Variants in PNPLA8 observed in about 807,000 individuals in gnomAD.
PNPLA8 encodes patatin like domain 8, phospholipase A2.
Under a neutral mutation model 76.9 loss-of-function variants are expected in PNPLA8, and 39 were observed. That is an observed-to-expected ratio of 0.51 (90% CI 0.39 to 0.66). The LOEUF is 0.66. Among genes scored for constraint, PNPLA8 ranks in the 30% least tolerant of loss-of-function variants. The pLI is 0.00. For missense variants in PNPLA8, 887 were observed against 918.0 expected (o/e 0.97, Z 0.44); for synonymous variants, 301 against 307.9 (o/e 0.98, Z 0.24).
intron 10 of PNPLA8, among the ~76,000 whole-genome samples, chr7:108,476,899 A>G (rs1007341775): frequency 6.6e-6 from 1 of 152,202 alleles, no homozygotes; most frequent in African/African-American, 2.4e-5. Context: ...GAAAATGAGT[A>G]GTGCACAGTA....
In PNPLA8 at chr7:108,526,065, G is replaced by A; in HGVS notation, c.-166C>T. 10 of 985,664 alleles carry A rather than the reference G, an allele frequency of 1.0e-5. No homozygotes were observed. The highest frequency in any genetic ancestry group is 1.2e-5 in the Non-Finnish European group (10 of 830,046). 61.1% of individuals were successfully genotyped at this position (985,664 alleles called of 1,614,324 possible). A position where few individuals can be genotyped will look rare whatever the true frequency, so the allele number is the denominator to read the frequency against. On this transcript the variant is annotated 5_prime_UTR_variant, in exon 1 of 11. Transcript: ENST00000257694. ...CCGCAGTCACTAGGGCTGCAGCGGC[G>A]ACTCGCTCGTTCCCGGCAATGACGT...
intron 8 of PNPLA8, 57 bp from the exon 9 acceptor site, chr7:108,488,010 T>TA (rs1031162252): frequency 3.0e-6 from 3 of 1,014,620 alleles, no homozygotes; most frequent in Non-Finnish European, 4.5e-6. Flanking sequence ...TTGGGATCTG[T>TA]AAAAATTAAA....
intron 5 of PNPLA8, among the ~76,000 whole-genome samples, chr7:108,500,891 A>G (rs1861890348): frequency 6.6e-6 from 1 of 151,888 alleles, no homozygotes; most frequent in Non-Finnish European, 1.5e-5. Flanking sequence ...TCCAGCCCGG[A>G]CAACCAGAGC....
At chr7:108,495,026 C>G (rs1861455371) in intron 7 of PNPLA8, among the ~76,000 whole-genome samples, 1 of 152,102 alleles carries the variant, frequency 6.6e-6, no homozygotes, top group South Asian at 2.1e-4. Flanking sequence ...TTCAAAATCT[C>G]TCAAACTGAT....
At chr7:108,493,742 A>G (rs968812270) in intron 7 of PNPLA8, among the ~76,000 whole-genome samples, 4 of 152,096 alleles carry the variant, frequency 2.6e-5, no homozygotes, top group Non-Finnish European at 5.9e-5. Context: ...GTTCCACAAA[A>G]TAAGTGATAC....
intron 4 of PNPLA8, among the ~76,000 whole-genome samples, chr7:108,505,036 T>C (rs1003685117): frequency 1.1e-4 from 16 of 151,624 alleles, no homozygotes; most frequent in South Asian, 2.1e-4. Context: ...AGATTGCACA[T>C]TGCACTCCAG....
At chr7:108,490,689 C>G (rs1341537290) in intron 8 of PNPLA8, among the ~76,000 whole-genome samples, 2 of 151,078 alleles carry the variant, frequency 1.3e-5, no homozygotes, top group Non-Finnish European at 2.9e-5. Flanking sequence ...GAGGCTGAGG[C>G]AGGAGAATGG....
chr7:108,525,647 C>T (rs946657341), intron 1 of PNPLA8, among the ~76,000 whole-genome samples: 2 of 152,206 alleles, frequency 1.3e-5, no homozygotes, highest in African/African-American at 2.4e-5. Context: ...ATGATGTAGA[C>T]TAGGGAAACC....
Position 108,505,271 on chromosome 7 carries a change from C to T in PNPLA8, c.1207-2629G>A, listed in dbSNP as rs77682203. Reference sequence around the variant, plus strand: ...CTAGATAGAAGAGTAAAAGGCAAAGCAAGGTTTCAGAAGAAAACACAAGAA... The same window carrying T: ...CTAGATAGAAGAGTAAAAGGCAAAGTAAGGTTTCAGAAGAAAACACAAGAA... On this transcript the variant is annotated intron_variant, in intron 4 of 10. Coordinates refer to ENST00000257694, the MANE Select transcript of PNPLA8 (RefSeq NM_001256007.3). 6.7e-4 allele frequency among the ~76,000 whole-genome samples: 68 copies of T among 102,164 alleles called. 1 individual carries two copies. The East Asian group carries it at 0.019, about 28-fold the overall frequency. The allele number at this position is 102,164 out of a possible 152,430, so 67.0% of individuals were successfully genotyped here.
intron 7 of PNPLA8, among the ~76,000 whole-genome samples, chr7:108,495,897 T>C (rs980464223): frequency 5.3e-5 from 8 of 152,196 alleles, no homozygotes; most frequent in African/African-American, 1.9e-4. Context: ...ATATCAGCTA[T>C]ACAAAATGTA....
At chr7:108,493,344 T>C (rs1229487984) in intron 7 of PNPLA8, among the ~76,000 whole-genome samples, 2 of 152,186 alleles carry the variant, frequency 1.3e-5, no homozygotes, top group East Asian at 3.9e-4. Flanking sequence ...TTAGAATAAA[T>C]TTTTAAATTT....
intron 5 of PNPLA8, among the ~76,000 whole-genome samples, chr7:108,498,146 A>C (rs1419793365): frequency 1.3e-5 from 2 of 150,102 alleles, no homozygotes. Flanking sequence ...AAAAAAAAAC[A>C]AAAAAAACTG....
rs751591755 is a variant in PNPLA8 at position 108,487,779 on chromosome 7, A to G, written c.1858T>C (p.Leu620=). The change falls in exon 9 of 11, where the codon TTG becomes CTG. Residue 620 remains leucine, a synonymous_variant. Transcript: ENST00000257694. ...AAPGYFAEYA[L]GNDLHQDGGL... ...CTTACTTGATGAAGATCATTTCCCA[A>G]TGCATATTCTGCAAAGTAGCCTGGA... The G allele has an allele frequency of 1.0e-5, 16 of 1,605,916 alleles. No individual in the cohort carries two copies. The highest frequency in any genetic ancestry group is 5.1e-6 in the Non-Finnish European group (6 of 1,176,778).
intron 9 of PNPLA8, 149 bp from the exon 10 acceptor site, chr7:108,479,528 C>A: frequency 1.6e-6 from 1 of 625,952 alleles, no homozygotes; most frequent in Non-Finnish European, 2.8e-6. Flanking sequence ...AAAATCCATG[C>A]GAAGACTCAT....
In PNPLA8 at chr7:108,497,540, C is replaced by CG. The variant is rs766829622; in HGVS notation, c.1395_1396insC (p.Glu466ArgfsTer12). On this transcript the variant is annotated frameshift_variant, in exon 6 of 11. Coordinates refer to ENST00000257694, the MANE Select transcript of PNPLA8 (RefSeq NM_001256007.3). LOFTEE classifies it high-confidence loss of function. ...TGATGAACTGGCTTCTGAGTAAGTT[C>CG]AACTAATTTTCGTAGGGTCTGGAGA... 8 of 1,612,076 alleles carry CG rather than the reference C, an allele frequency of 5.0e-6. No homozygotes were observed. Among genetic ancestry groups the CG allele is most frequent in the Non-Finnish European group, 6.8e-6 (8 of 1,178,928 alleles).
chr7:108,490,569 G>A (rs529071360), intron 8 of PNPLA8, among the ~76,000 whole-genome samples: 2 of 151,850 alleles, frequency 1.3e-5, no homozygotes, highest in African/African-American at 4.8e-5. Context: ...GAATCACGAG[G>A]TCAGGAGATC....
intron 2 of PNPLA8, among the ~76,000 whole-genome samples, chr7:108,515,776 A>G (rs1350895352): frequency 1.3e-5 from 2 of 152,240 alleles, no homozygotes; most frequent in Non-Finnish European, 2.9e-5. Context: ...TAAAAAAAGA[A>G]AATGAGGAAT....
At chr7:108,495,816 T>TA (rs1017806064) in intron 7 of PNPLA8, among the ~76,000 whole-genome samples, 3 of 152,138 alleles carry the variant, frequency 2.0e-5, no homozygotes, top group Non-Finnish European at 4.4e-5. Context: ...GTGTAGTCTT[T>TA]AAAAATATGT....
chr7:108,515,634 A>G, intron 2 of PNPLA8, 60 bp from the exon 3 acceptor site: 1 of 988,534 alleles, frequency 1.0e-6, no homozygotes. Context: ...GGTATAACAG[A>G]AAACACAAGA....
Sources: allele counts gnomAD v4.1 joint callset (sites outside exome capture counted in the v4.1 genomes callset), GRCh38; gene constraint gnomAD v4.1.1; transcripts MANE v1.5; gene names NCBI Gene and HGNC (gene_info 2026-07-23, HGNC 2026-07-21).